Variants in CLTB observed in about 807,000 individuals in gnomAD.
The protein encoded by CLTB is clathrin, light chain (Lcb).
In CLTB, 10 loss-of-function variants were observed where a neutral mutation model predicts 30.5. That is an observed-to-expected ratio of 0.33 (90% confidence interval 0.20 to 0.56). CLTB has a LOEUF of 0.56. CLTB is among the 20% of genes least tolerant of loss of function. The pLI is 0.91. For missense variants in CLTB, 261 were observed against 308.3 expected (o/e 0.85, Z 1.15); for synonymous variants, 102 against 120.3 (o/e 0.85, Z 1.00).
In CLTB at chr5:176,416,191, C is replaced by T; in HGVS notation, c.173G>A (p.Gly58Asp). ...CGCTGACTCACCCCCACTCGTGGGGCCCGGCTGCGCGGGGGCCGCATGGCT... is the reference window on the plus strand; with the variant it reads ...CGCTGACTCACCCCCACTCGTGGGGTCCGGCTGCGCGGGGGCCGCATGGCT... ...AGSHAAPAQP[G>D]PTSGAGSEDM... Residue 58 changes from glycine (G) to aspartate (D), a missense_variant, in exon 1 of 6, where the codon GGC becomes GAC. Physicochemically the swap from Gly to Asp is moderately conservative, Grantham distance 94. This residue lies in a region of CLTB where 113 missense variants were observed against 102.5 expected (regional missense o/e 1.10). Transcript: ENST00000310418. 1 of 1,584,874 alleles carries T rather than the reference C, an allele frequency of 6.3e-7. No individual in the cohort carries two copies. Among genetic ancestry groups the T allele is most frequent in the Non-Finnish European group, 8.5e-7 (1 of 1,169,714 alleles).
chr5:176,410,171 A>G (rs1757353795), intron 2 of CLTB, 86 bp downstream of exon 2: 2 of 1,156,072 alleles, frequency 1.7e-6, no homozygotes, highest in Non-Finnish European at 2.6e-6. Flanking sequence ...GAGAACCTGG[A>G]GCTGTAAGCC....
rs1381569021 is a variant in CLTB, at chr5:176,393,005, G to A, written c.519-60C>T. On this transcript the variant is annotated intron_variant, in intron 5 of 5. Transcript: ENST00000310418. The surrounding 1 kb of genome is among the most constrained non-coding windows in gnomAD (Gnocchi z 4.4). The stretch of plus-strand genomic sequence containing the variant: ...TCTGCTTTCCCCCAGCCTTGCCCTT[G>A]AGCAAGGCTGCTTTGCCCAGCCTAC... 2 of 1,594,766 alleles carry A rather than the reference G, an allele frequency of 1.3e-6. No individual in the cohort carries two copies. Among genetic ancestry groups the A allele is most frequent in the Non-Finnish European group, 1.7e-6 (2 of 1,164,252 alleles).
At chr5:176,409,067 C>T (rs1023891883) in intron 2 of CLTB, among the ~76,000 whole-genome samples, 2 of 151,972 alleles carry the variant, frequency 1.3e-5, no homozygotes, top group Non-Finnish European at 2.9e-5. Flanking sequence ...ACCTCCCACT[C>T]CCGGATTCAA....
chr5:176,406,846 G>A, intron 2 of CLTB: 2 of 561,404 alleles, frequency 3.6e-6, no homozygotes, highest in Non-Finnish European at 2.6e-6. Flanking sequence ...AAGAGCTGGG[G>A]CTTTCCACCT....
rs770649500 is a variant in CLTB at position 176,396,494 on chromosome 5, T to C, written c.503A>G (p.Asp168Gly). 1.2e-6 allele frequency: 2 copies of C among 1,613,880 alleles called. No homozygotes were observed. The highest frequency in any genetic ancestry group is 1.7e-5 in the Admixed American group (1 of 60,014). The change falls in exon 5 of 6, where the codon GAT (aspartate) becomes GGT (glycine). Residue 168 changes from aspartate to glycine, a missense_variant. Coordinates refer to ENST00000310418, the MANE Select transcript of CLTB (RefSeq NM_007097.5). ...AGACACGTACACGTAGCCGATGATA[T>C]CAGCATCTGGCTGCTGGTAGAATGC... The part of the protein sequence containing the change: ...DKAFYQQPDA[D>G]IIGYVASEEA...
In CLTB at chr5:176,398,009, G is replaced by C. The variant is rs780832720; in HGVS notation, c.273C>G (p.Ala91=). Reference sequence around the variant, plus strand: ...GCTCCTGGGTCAGCCTGTCAGCCTGGGCAATGGCTGCGTAGCCATCAGCAG... The same window carrying C: ...GCTCCTGGGTCAGCCTGTCAGCCTGCGCAATGGCTGCGTAGCCATCAGCAG... The part of the protein sequence containing the change: ...NGPADGYAAI[A]QADRLTQEPE... The change falls in exon 3 of 6, where the codon GCC becomes GCG. Residue 91 remains alanine (A), a synonymous_variant. Coordinates refer to ENST00000310418, the MANE Select transcript of CLTB (RefSeq NM_007097.5). 1 of 1,614,066 alleles carries C rather than the reference G, an allele frequency of 6.2e-7. No individual in the cohort carries two copies. The highest frequency in any genetic ancestry group is 8.5e-7 in the Non-Finnish European group (1 of 1,180,040).
intron 1 of CLTB, among the ~76,000 whole-genome samples, chr5:176,413,628 G>A (rs752186499): frequency 9.9e-5 from 15 of 152,222 alleles, no homozygotes; most frequent in Admixed American, 4.6e-4. Flanking sequence ...ACTGGCGGCC[G>A]CTGCTAAGCC....
Position 176,393,723 on chromosome 5 carries a change from T to G in CLTB, c.519-778A>C, listed in dbSNP as rs1328633854. Among the ~76,000 whole-genome samples, 1 of 152,180 alleles carries G rather than the reference T, an allele frequency of 6.6e-6. No homozygotes were observed. The highest frequency in any genetic ancestry group is 1.5e-5 in the Non-Finnish European group (1 of 68,042). ...ATCAAGTTAGGATGAAAACTGGCGG[T>G]CCTTCATCAGAAGTTCTGGTTGACA... On this transcript the variant is annotated intron_variant, in intron 5 of 5. Coordinates refer to ENST00000310418, the MANE Select transcript of CLTB (RefSeq NM_007097.5). This position sits in a 1 kb window ranked among gnomAD's most constrained non-coding sequence, Gnocchi z 4.4.
intron 1 of CLTB, among the ~76,000 whole-genome samples, chr5:176,411,087 CTCTT>C (rs1252400200): frequency 6.6e-6 from 1 of 152,262 alleles, no homozygotes; most frequent in Non-Finnish European, 1.5e-5. Context: ...ATAACTGTGT[CTCTT>C]TCTCTTCTCC....
At chr5:176,397,827 G>T in intron 3 of CLTB, 103 bp downstream of exon 3, 1 of 1,477,886 alleles carries the variant, frequency 6.8e-7, no homozygotes, top group South Asian at 1.1e-5. Flanking sequence ...CACCGGCCCA[G>T]TCCCACATTA....
chr5:176,393,180 CCTGGCTTG>C lies in CLTB; in HGVS notation c.519-243_519-236del, dbSNP rs1756334693. Among the ~76,000 whole-genome samples the C allele has an allele frequency of 6.6e-6, 1 of 152,116 alleles. No individual in the cohort carries two copies. The highest frequency in any genetic ancestry group is 2.4e-5 in the African/African-American group (1 of 41,404). On this transcript the variant is annotated intron_variant, in intron 5 of 5. Transcript: ENST00000310418. The surrounding 1 kb of genome is among the most constrained non-coding windows in gnomAD (Gnocchi z 4.4). ...GGAACACGCTTCTCCCAGACCTGTT[CCTGGCTTG>C]CTGCTTCTTGTCATTCAGGTCTCAG...
chr5:176,409,124 G>A (rs1351142135), intron 2 of CLTB, among the ~76,000 whole-genome samples: 1 of 151,778 alleles, frequency 6.6e-6, no homozygotes, highest in Non-Finnish European at 1.5e-5. Flanking sequence ...TTATAGGCTT[G>A]TGCCACCACA....
intron 3 of CLTB, 83 bp from the exon 4 acceptor site, chr5:176,397,801 G>T: frequency 6.6e-7 from 1 of 1,510,150 alleles, no homozygotes; most frequent in Non-Finnish European, 9.2e-7. Flanking sequence ...GCCCCTGCCA[G>T]GCAGCCACAG....
Position 176,392,850 on chromosome 5 carries a change from C to T in CLTB, c.614G>A (p.Ser205Asn). The change falls in exon 6 of 6, where the codon AGC becomes AAC. Residue 205 changes from serine to asparagine, a missense_variant. By Grantham distance (46) the Ser-to-Asn change is conservative (BLOSUM62 1). Around this residue, in one of 3 missense-constraint regions of CLTB, gnomAD observed 25 missense variants for 48.8 expected, o/e 0.51. Transcript: ENST00000310418. The surrounding 1 kb of genome is among the most constrained non-coding windows in gnomAD (Gnocchi z 5.2). ...VAQLCDFNPK[S>N]SKQCKDVSRL... The stretch of plus-strand genomic sequence containing the variant: ...GGACACATCTTTGCACTGCTTGCTG[C>T]TCTTGGGGTTGAAGTCACATAGCTG... 6.2e-7 allele frequency: 1 copy of T among 1,614,246 alleles called. No individual in the cohort carries two copies. Among genetic ancestry groups the T allele is most frequent in the South Asian group, 1.1e-5 (1 of 91,088 alleles).
intron 2 of CLTB, among the ~76,000 whole-genome samples, chr5:176,400,052 G>A (rs2113643945): frequency 1.3e-5 from 2 of 151,966 alleles, no homozygotes; most frequent in South Asian, 4.2e-4. Context: ...TTAGCTGGGT[G>A]TGGTGGCCCG....
At chr5:176,406,607 C>A in intron 2 of CLTB, 1 of 1,289,382 alleles carries the variant, frequency 7.8e-7, no homozygotes, top group Non-Finnish European at 1.0e-6. Flanking sequence ...TCTGTCCCTG[C>A]CCCTGGCTGT....
intron 1 of CLTB, among the ~76,000 whole-genome samples, chr5:176,412,068 C>T (rs970426266): frequency 4.7e-5 from 7 of 148,976 alleles, no homozygotes; most frequent in Middle Eastern, 3.5e-3. Context: ...CCCAGCCACT[C>T]GGGAGGCTGA....
rs762818890 is a variant in CLTB, at chr5:176,397,714, A to C, written c.357T>G (p.Ala119=). Residue 119 remains alanine, a synonymous_variant, in exon 4 of 6, where the codon GCT becomes GCG. Transcript: ENST00000310418. ...ATTCCTGTTCCGTGACCTTAGATGC[A>C]GCATCTAGGACCCCACAAGAGAATG... ...EQRKRLQELD[A]ASKVTEQEWR... 2 of 1,612,244 alleles carry C rather than the reference A, an allele frequency of 1.2e-6. No individual in the cohort carries two copies. The highest frequency in any genetic ancestry group is 1.7e-6 in the Non-Finnish European group (2 of 1,178,494).
chr5:176,414,816 A>C (rs1208034001), intron 1 of CLTB, among the ~76,000 whole-genome samples: 4 of 152,192 alleles, frequency 2.6e-5, no homozygotes, highest in African/African-American at 9.7e-5. Context: ...TCTCATATCA[A>C]GGAGATACAG....
Sources: allele counts gnomAD v4.1 joint callset (sites outside exome capture counted in the v4.1 genomes callset), GRCh38; gene constraint gnomAD v4.1.1; regional missense constraint gnomAD v4.1.1; non-coding constraint Gnocchi (gnomAD v3.1); transcripts MANE v1.5; gene names NCBI Gene and HGNC (gene_info 2026-07-23, HGNC 2026-07-21).